The following TOM1L1 variants were observed in gnomAD, a reference collection of about 807,000 sequenced individuals.
TOM1L1 encodes the protein target of myb1 like 1 membrane trafficking protein, also known as TOM1-like protein 1.
A neutral mutation model predicts 63.4 loss-of-function variants in TOM1L1; 64 were observed. The ratio of observed to expected loss-of-function variants is 1.01; its 90% confidence interval spans 0.83 to 1.24. TOM1L1 has a LOEUF of 1.24. TOM1L1 is among the 50% of genes most tolerant of loss of function. TOM1L1 has a pLI of 0.00. For missense variants in TOM1L1, 536 were observed against 567.0 expected (o/e 0.95, Z 0.55); for synonymous variants, 166 against 194.4 (o/e 0.85, Z 1.22).
intron 11 of TOM1L1, among the ~76,000 whole-genome samples, chr17:54,940,148 G>A (rs1034796293): frequency 1.3e-5 from 2 of 152,020 alleles, no homozygotes; most frequent in African/African-American, 4.8e-5. Flanking sequence ...CATGTGCCTC[G>A]GCCTCCCAAA....
In TOM1L1 at chr17:54,912,817, T is replaced by G. The variant is rs1425810181; in HGVS notation, c.372+2T>G. ...AATAGAATCTTGAATTTCATTAAGG[T>G]AAGTCTGTTGTATACCTCATGGGAT... On this transcript the variant is annotated splice_donor_variant, in intron 4 of 15. Coordinates refer to ENST00000575882, the MANE Select transcript of TOM1L1 (RefSeq NM_005486.3). LOFTEE classifies it high-confidence loss of function. 6.2e-7 allele frequency: 1 copy of G among 1,601,578 alleles called. No homozygotes were observed. Among genetic ancestry groups the G allele is most frequent in the Non-Finnish European group, 8.5e-7 (1 of 1,176,050 alleles).
intron 2 of TOM1L1, 125 bp downstream of exon 2, chr17:54,903,917 C>A: frequency 1.3e-6 from 1 of 779,490 alleles, no homozygotes; most frequent in Non-Finnish European, 2.1e-6. Context: ...ATTAGGCACC[C>A]TCTATCTTTT....
At chr17:54,907,096 A>C (rs569978344) in intron 3 of TOM1L1, among the ~76,000 whole-genome samples, 1 of 152,236 alleles carries the variant, frequency 6.6e-6, no homozygotes, top group East Asian at 1.9e-4. Flanking sequence ...TTGATCATTA[A>C]AGAAACCCTT....
intron 4 of TOM1L1, among the ~76,000 whole-genome samples, chr17:54,913,478 A>G (rs1298804518): frequency 6.6e-6 from 1 of 152,104 alleles, no homozygotes; most frequent in Non-Finnish European, 1.5e-5. Flanking sequence ...AGCCTGGCCA[A>G]CATAGTGAAA....
intron 9 of TOM1L1, 100 bp from the exon 10 acceptor site, chr17:54,937,009 T>TA (rs1428326788): frequency 1.0e-6 from 1 of 990,528 alleles, no homozygotes; most frequent in Non-Finnish European, 1.6e-6. Flanking sequence ...TTCCTTAAAA[T>TA]GCATCCAAAT....
intron 3 of TOM1L1, among the ~76,000 whole-genome samples, chr17:54,909,945 G>A (rs2048470973): frequency 6.6e-6 from 1 of 152,214 alleles, no homozygotes; most frequent in Admixed American, 6.5e-5. Context: ...TGAGTGAGTT[G>A]GAGGGTGAAA....
intron 2 of TOM1L1, 137 bp from the exon 3 acceptor site, chr17:54,905,352 G>T (rs146068194): frequency 0.013 from 7,941 of 607,134 alleles, 92 homozygotes; most frequent in Non-Finnish European, 0.014. Flanking sequence ...CATTCGCATA[G>T]GGTCCCACAG....
At chr17:54,934,717 T>C (rs1172432187) in intron 8 of TOM1L1, among the ~76,000 whole-genome samples, 2 of 141,124 alleles carry the variant, frequency 1.4e-5, no homozygotes, top group Non-Finnish European at 3.0e-5. Context: ...AGATGGATTT[T>C]TTTTTTTTTT....
Position 54,915,080 on chromosome 17 carries a change from G to A in TOM1L1, c.603+337G>A, listed in dbSNP as rs555330450. Among the ~76,000 whole-genome samples the A allele has an allele frequency of 2.0e-5, 3 of 152,272 alleles. No individual in the cohort carries two copies. The South Asian group carries it at 6.2e-4, about 32-fold the overall frequency. ...GTAGGACTGTCACATATTTCAGAGA[G>A]TTTAGTAAATGGTAGTCTTATTACT... On this transcript the variant is annotated intron_variant, in intron 6 of 15. Transcript: ENST00000575882.
intron 5 of TOM1L1, 53 bp downstream of exon 5, chr17:54,913,926 CT>C: frequency 1.3e-6 from 2 of 1,549,688 alleles, no homozygotes; most frequent in Non-Finnish European, 1.7e-6. Flanking sequence ...TCACTTGGGT[CT>C]TTTCTCATTA....
chr17:54,906,216 C>CACA lies in TOM1L1; in HGVS notation c.222+649_222+650insACA, dbSNP rs1193008471. On this transcript the variant is annotated intron_variant, in intron 3 of 15. Coordinates refer to ENST00000575882, the MANE Select transcript of TOM1L1 (RefSeq NM_005486.3). ...GGGTACGGTGGCTCACACCTGTAAT[C>CACA]CCAGCACTTCGGGAGGCCGAGGCAG... 4.1e-4 allele frequency among the ~76,000 whole-genome samples: 62 copies of CACA among 152,258 alleles called. 1 individual carries two copies. In the East Asian group the frequency reaches 0.011, roughly 27 times the overall value.
chr17:54,924,470 G>T (rs2048736415), intron 7 of TOM1L1, among the ~76,000 whole-genome samples: 1 of 151,814 alleles, frequency 6.6e-6, no homozygotes, highest in Non-Finnish European at 1.5e-5. Flanking sequence ...GGTAGAGATG[G>T]GGTTTCACTA....
intron 11 of TOM1L1, 111 bp from the exon 12 acceptor site, chr17:54,947,150 C>A: frequency 2.1e-6 from 2 of 941,560 alleles, no homozygotes; most frequent in South Asian, 1.4e-5. Flanking sequence ...ACACTTTATG[C>A]AGTCTGAAGG....
At chr17:54,924,189 G>C (rs1206460438) in intron 7 of TOM1L1, among the ~76,000 whole-genome samples, 1 of 151,674 alleles carries the variant, frequency 6.6e-6, no homozygotes, top group Non-Finnish European at 1.5e-5. Flanking sequence ...AGTGCACTGA[G>C]TTCATTCTTG....
chr17:54,900,936 G>A lies in TOM1L1; in HGVS notation c.58+13G>A. The A allele has an allele frequency of 6.2e-7, 1 of 1,613,744 alleles. No homozygotes were observed. The highest frequency in any genetic ancestry group is 1.1e-5 in the South Asian group (1 of 91,072). On this transcript the variant is annotated intron_variant, in intron 1 of 15. Coordinates refer to ENST00000575882, the MANE Select transcript of TOM1L1 (RefSeq NM_005486.3). Reference sequence around the variant, plus strand: ...GGCCACCTCATAGGTAAGGAGGCGCGGGGAGAGACGCCCAGGCAGGCAGGG... The same window carrying A: ...GGCCACCTCATAGGTAAGGAGGCGCAGGGAGAGACGCCCAGGCAGGCAGGG...
chr17:54,920,240 C>A (rs2048662118), intron 7 of TOM1L1, among the ~76,000 whole-genome samples: 1 of 151,946 alleles, frequency 6.6e-6, no homozygotes, highest in African/African-American at 2.4e-5. Flanking sequence ...CCTTGGGGGT[C>A]AGTGAGGGCC....
chr17:54,929,988 G>A (rs1259028319), intron 7 of TOM1L1, 85 bp from the exon 8 acceptor site: 2 of 1,554,228 alleles, frequency 1.3e-6, no homozygotes, highest in Admixed American at 1.7e-5. Flanking sequence ...GGAGGTGACT[G>A]TAGGTATGCG....
At chr17:54,949,852 C>T (rs2049183676) in intron 13 of TOM1L1, among the ~76,000 whole-genome samples, 193 bp from the exon 14 acceptor site, 1 of 152,116 alleles carries the variant, frequency 6.6e-6, no homozygotes, top group African/African-American at 2.4e-5. Context: ...GTAAATGAAT[C>T]TTTAGTTGAG....
At chr17:54,960,343 CAA>C (rs977288532) in intron 14 of TOM1L1, among the ~76,000 whole-genome samples, 72 of 151,950 alleles carry the variant, frequency 4.7e-4, no homozygotes, top group South Asian at 4.2e-4. Flanking sequence ...CCAGCCTGGA[CAA>C]AAGAGTGAGA....
Sources: allele counts gnomAD v4.1 joint callset (sites outside exome capture counted in the v4.1 genomes callset), GRCh38; gene constraint gnomAD v4.1.1; transcripts MANE v1.5; gene names NCBI Gene and HGNC (gene_info 2026-07-23, HGNC 2026-07-21).